Variants in USB1 observed in about 807,000 individuals in gnomAD.
USB1 encodes the protein U6 snRNA phosphodiesterase 1.
In USB1, 21 loss-of-function variants were observed where a neutral mutation model predicts 29.9. The observed-to-expected ratio is 0.70, with a 90% confidence interval of 0.50 to 1.01. The LOEUF is 1.01. Ranked by LOEUF, USB1 falls within the 50% of genes least tolerant of loss-of-function variation. The pLI, the probability that USB1 is intolerant of heterozygous loss-of-function variation, is 0.00. For missense variants in USB1, 330 were observed against 347.1 expected (o/e 0.95, Z 0.39); for synonymous variants, 143 against 134.9 (o/e 1.06, Z -0.42).
intron 4 of USB1, 44 bp from the exon 5 acceptor site, chr16:58,017,290 C>A (rs1023464412): frequency 6.3e-7 from 1 of 1,580,632 alleles, no homozygotes; most frequent in Admixed American, 1.7e-5. Flanking sequence ...TGGCTGTGTT[C>A]TCAGAGGCTA....
intron 2 of USB1, among the ~76,000 whole-genome samples, chr16:58,007,877 G>A (rs184186001): frequency 3.1e-4 from 47 of 152,162 alleles, no homozygotes; most frequent in Non-Finnish European, 6.3e-4. Context: ...CAGCTACTCG[G>A]GAGACTGAGG....
At chr16:58,000,363 T>TGGCCCCCAGATGC (rs897550509), upstream of USB1, 2 of 142,632 alleles carry the variant, frequency 1.4e-5, no homozygotes, top group African/African-American at 5.2e-5. This position sits in a 1 kb window ranked among gnomAD's most constrained non-coding sequence, Gnocchi z 4.5. Flanking sequence ...GGCGCGGGGG[T>TGGCCCCCAGATGC]GGCCCCCAGA....
chr16:58,016,891 T>C, intron 4 of USB1: 1 of 253,680 alleles, frequency 3.9e-6, no homozygotes, highest in South Asian at 5.0e-5. Flanking sequence ...AAACCGTGGG[T>C]TCAGGGGAGA....
chr16:58,009,810 A>T, intron 2 of USB1, 119 bp from the exon 3 acceptor site: 2 of 1,000,818 alleles, frequency 2.0e-6, no homozygotes, highest in Non-Finnish European at 3.2e-6. Flanking sequence ...CTGCTGTCCA[A>T]GTAATTTTCT....
At position 58,015,142 on chromosome 16, in the gene USB1, T is replaced by C. The variant is rs7201127; in HGVS notation, c.503+816T>C. ...AAATAATGACTGGAGGAGCATGTAGTGGGGTGGTGCCCAGAGATTGAGAGA... is the reference window on the plus strand; with the variant it reads ...AAATAATGACTGGAGGAGCATGTAGCGGGGTGGTGCCCAGAGATTGAGAGA... On this transcript the variant is annotated intron_variant, in intron 4 of 6. Coordinates refer to ENST00000219281, the MANE Select transcript of USB1 (RefSeq NM_024598.4). 9 of 152,048 alleles carry C rather than the reference T, an allele frequency of 5.9e-5. No homozygotes were observed. The East Asian group carries it at 7.7e-4, about 13-fold the overall frequency. 9.4% of individuals were successfully genotyped at this position (152,048 alleles called of 1,614,324 possible).
At chr16:58,004,586 G>A (rs1484511846) in intron 2 of USB1, among the ~76,000 whole-genome samples, 1 of 151,956 alleles carries the variant, frequency 6.6e-6, no homozygotes, top group African/African-American at 2.4e-5. Flanking sequence ...GGCCTGTTTT[G>A]GTTTTTTACC....
At chr16:57,999,623 G>A (rs779832739), upstream of USB1, 2 of 152,254 alleles carry the variant, frequency 1.3e-5, no homozygotes, top group Non-Finnish European at 2.9e-5. Context: ...CTGAGCAGAG[G>A]AAGAAGGAAG....
At chr16:58,001,680 G>A (rs1963199335) in intron 1 of USB1, 99 bp downstream of exon 1, 7 of 1,360,074 alleles carry the variant, frequency 5.1e-6, no homozygotes, top group Middle Eastern at 1.8e-4. Context: ...GAGGATGCGG[G>A]GCGGCTCTGG....
At chr16:58,000,961 G>C (rs932501888), upstream of USB1, among the ~76,000 whole-genome samples, 3 of 152,178 alleles carry the variant, frequency 2.0e-5, no homozygotes, top group East Asian at 5.8e-4. This position sits in a 1 kb window ranked among gnomAD's most constrained non-coding sequence, Gnocchi z 4.5. Flanking sequence ...CTGCGCAGGA[G>C]AGGAGGGGCC....
At chr16:58,001,928 G>T (rs937383332) in intron 1 of USB1, among the ~76,000 whole-genome samples, 1 of 152,204 alleles carries the variant, frequency 6.6e-6, no homozygotes, top group Non-Finnish European at 1.5e-5. Context: ...AAAGCGTAGG[G>T]AGAGCCTTTT....
intron 2 of USB1, among the ~76,000 whole-genome samples, chr16:58,004,390 C>T (rs781427657): frequency 2.0e-5 from 3 of 152,186 alleles, no homozygotes; most frequent in Non-Finnish European, 2.9e-5. Flanking sequence ...TTTCAGTCCT[C>T]CAACTTTGTT....
At chr16:58,010,685 T>C (rs1963471453) in intron 3 of USB1, 2 of 293,748 alleles carry the variant, frequency 6.8e-6, no homozygotes, top group Non-Finnish European at 1.3e-5. Flanking sequence ...GTCCACTTAC[T>C]AGGGCGCCAG....
chr16:58,001,288 C>T (rs1963177138), upstream of USB1: 2 of 674,056 alleles, frequency 3.0e-6, no homozygotes, highest in Admixed American at 2.4e-5. Context: ...GATCCGCGTG[C>T]GCAGCCGGCA....
At chr16:58,011,504 G>C in intron 3 of USB1, 2 of 1,014,082 alleles carry the variant, frequency 2.0e-6, no homozygotes, top group Non-Finnish European at 2.4e-6. Flanking sequence ...GGCTCTCCCG[G>C]TTGGCATATC....
upstream of USB1, among the ~76,000 whole-genome samples, chr16:58,000,173 ACCCGAGGGCGAGC>A (rs1037494825): frequency 6.6e-5 from 10 of 151,744 alleles, no homozygotes; most frequent in Non-Finnish European, 1.0e-4. The surrounding 1 kb of genome is among the most constrained non-coding windows in gnomAD (Gnocchi z 4.5). Flanking sequence ...GGCCGCTGCG[ACCCGAGGGCGAGC>A]CCCGAGGGCG....
intron 2 of USB1, among the ~76,000 whole-genome samples, chr16:58,006,656 C>G (rs1028481870): frequency 2.6e-5 from 4 of 151,824 alleles, no homozygotes; most frequent in Admixed American, 6.6e-5. Context: ...AAGACTCTGT[C>G]TTGGGGAAAA....
intron 2 of USB1, among the ~76,000 whole-genome samples, chr16:58,003,859 C>G (rs780323013): frequency 6.6e-6 from 1 of 152,118 alleles, no homozygotes; most frequent in African/African-American, 2.4e-5. Context: ...TTATCAGATA[C>G]GTCTTTTGCA....
intron 5 of USB1, among the ~76,000 whole-genome samples, chr16:58,018,722 T>C (rs1346190520): frequency 6.6e-6 from 1 of 152,088 alleles, no homozygotes; most frequent in African/African-American, 2.4e-5. Context: ...CTTTACATAC[T>C]ATCACATTGG....
At chr16:58,018,793 C>CCTGTG (rs1214882922) in intron 5 of USB1, among the ~76,000 whole-genome samples, 179 bp from the exon 6 acceptor site, 1 of 152,172 alleles carries the variant, frequency 6.6e-6, no homozygotes, top group African/African-American at 2.4e-5. Context: ...AAGGACCAGT[C>CCTGTG]CTGTGCTGTT....
Sources: allele counts gnomAD v4.1 joint callset (sites outside exome capture counted in the v4.1 genomes callset), GRCh38; gene constraint gnomAD v4.1.1; non-coding constraint Gnocchi (gnomAD v3.1); transcripts MANE v1.5; gene names NCBI Gene and HGNC (gene_info 2026-07-23, HGNC 2026-07-21).